KAT2B: variants seen among roughly 807,000 people sequenced by gnomAD.
The protein encoded by KAT2B is histone acetyltransferase KAT2B.
A neutral mutation model predicts 105.9 loss-of-function variants in KAT2B; 36 were observed. The observed-to-expected ratio is 0.34, with a 90% CI of 0.26 to 0.45. KAT2B has a LOEUF of 0.45. Among genes scored for constraint, KAT2B ranks in the 20% least tolerant of loss-of-function variants. KAT2B has a pLI of 1.00. For synonymous variants in KAT2B, 397 were observed against 377.9 expected, an observed-to-expected ratio of 1.05 and a Z score of -0.59; for missense variants, 820 against 1,021.6, an observed-to-expected ratio of 0.80 and a Z score of 2.69.
At chr3:20,141,279 CT>C (rs377152704) in intron 13 of KAT2B, among the ~76,000 whole-genome samples, 7 of 151,796 alleles carry the variant, frequency 4.6e-5, no homozygotes, top group Admixed American at 6.6e-5. Flanking sequence ...ATTGAGGTGA[CT>C]TTTTTTATGC....
intron 1 of KAT2B, among the ~76,000 whole-genome samples, chr3:20,050,255 A>G (rs1350688160): frequency 6.6e-6 from 1 of 152,108 alleles, no homozygotes; most frequent in African/African-American, 2.4e-5. Context: ...AAGACGGTTC[A>G]CACAACAGTA....
At chr3:20,067,534 C>T (rs915816330) in intron 1 of KAT2B, among the ~76,000 whole-genome samples, 1 of 152,140 alleles carries the variant, frequency 6.6e-6, no homozygotes, top group Non-Finnish European at 1.5e-5. Flanking sequence ...ATCTATATCT[C>T]TAAAACTCTG....
At chr3:20,041,363 A>AG (rs1425907148) in intron 1 of KAT2B, among the ~76,000 whole-genome samples, 1 of 152,056 alleles carries the variant, frequency 6.6e-6, no homozygotes. Context: ...CTGGGGGCGG[A>AG]GGCACTGCCG....
chr3:20,123,964 G>A (rs116591211), intron 9 of KAT2B, among the ~76,000 whole-genome samples: 1,800 of 152,250 alleles, frequency 0.012, 15 homozygotes, highest in South Asian at 0.026. Context: ...TCCAGGAAAT[G>A]AAGAAATGGC....
chr3:20,109,227 AC>A (rs1699076406), intron 5 of KAT2B, among the ~76,000 whole-genome samples: 1 of 152,086 alleles, frequency 6.6e-6, no homozygotes, highest in Non-Finnish European at 1.5e-5. Flanking sequence ...AAGATCTGTG[AC>A]TGTTTAACTC....
In KAT2B at chr3:20,045,533, G is replaced by A. The variant is rs1484678257; in HGVS notation, c.303+4753G>A. 3.3e-5 allele frequency among the ~76,000 whole-genome samples: 5 copies of A among 151,850 alleles called. No homozygotes were observed. The East Asian group carries it at 9.7e-4, about 29-fold the overall frequency. On this transcript the variant is annotated intron_variant, in intron 1 of 17. Coordinates refer to ENST00000263754, the MANE Select transcript of KAT2B (RefSeq NM_003884.5). Reference sequence around the variant, plus strand: ...GCCTGCTTGGGATTGGGTTTTTAATGTTATAAAAGAAACCCCAAGTGAATG... The same window carrying A: ...GCCTGCTTGGGATTGGGTTTTTAATATTATAAAAGAAACCCCAAGTGAATG...
rs1441912024 is a variant in KAT2B at position 20,153,401 on chromosome 3, G to A, written c.*876G>A. On this transcript the variant is annotated 3_prime_UTR_variant, in exon 18 of 18. Coordinates refer to ENST00000263754, the MANE Select transcript of KAT2B (RefSeq NM_003884.5). ...TGGTCTATATATGTATCAATCTGGTGAATCCTCGTTCTAATAAAGGTTCTT... is the reference window on the plus strand; with the variant it reads ...TGGTCTATATATGTATCAATCTGGTAAATCCTCGTTCTAATAAAGGTTCTT... The A allele has an allele frequency of 1.3e-5, 2 of 152,292 alleles. No homozygotes were observed. Among genetic ancestry groups the A allele is most frequent in the East Asian group, 3.8e-4 (2 of 5,202 alleles). 9.4% of individuals were successfully genotyped at this position (152,292 alleles called of 1,614,324 possible). A position where few individuals can be genotyped will look rare whatever the true frequency, so the allele number is the denominator to read the frequency against.
At chr3:20,041,557 C>T (rs1697719875) in intron 1 of KAT2B, among the ~76,000 whole-genome samples, 1 of 152,236 alleles carries the variant, frequency 6.6e-6, no homozygotes, top group African/African-American at 2.4e-5. Flanking sequence ...ACCCTGTCAC[C>T]TCCAGCTGCA....
intron 1 of KAT2B, among the ~76,000 whole-genome samples, chr3:20,043,185 T>C (rs1328824690): frequency 6.6e-6 from 1 of 152,180 alleles, no homozygotes; most frequent in African/African-American, 2.4e-5. Context: ...ATTATAGGCA[T>C]GGGCCACCAT....
At chr3:20,129,539 C>T (rs2125182235) in intron 11 of KAT2B, among the ~76,000 whole-genome samples, 1 of 152,124 alleles carries the variant, frequency 6.6e-6, no homozygotes, top group South Asian at 2.1e-4. Flanking sequence ...CCATGCCCGG[C>T]CAATTTTTGT....
At chr3:20,040,828 C>T (rs765627638) in intron 1 of KAT2B, 48 bp downstream of exon 1, 26 of 1,521,134 alleles carry the variant, frequency 1.7e-5, no homozygotes, top group East Asian at 2.6e-5. Flanking sequence ...AGGGGCCCAG[C>T]CCGCGGGACC....
At chr3:20,049,975 G>T (rs537056403) in intron 1 of KAT2B, among the ~76,000 whole-genome samples, 9 of 152,138 alleles carry the variant, frequency 5.9e-5, no homozygotes, top group African/African-American at 1.9e-4. Context: ...TGAGGCAGGC[G>T]GATCGCTTGA....
chr3:20,128,862 C>T (rs989985687), intron 11 of KAT2B, among the ~76,000 whole-genome samples: 16 of 151,826 alleles, frequency 1.1e-4, no homozygotes, highest in Admixed American at 3.9e-4. Flanking sequence ...ACAAAATTAG[C>T]TTGGTGTGGT....
intron 2 of KAT2B, among the ~76,000 whole-genome samples, chr3:20,075,433 A>G (rs972156468): frequency 4.6e-5 from 7 of 151,810 alleles, no homozygotes; most frequent in Non-Finnish European, 8.8e-5. Context: ...CGGTTCTGAC[A>G]TGACCTACTT....
intron 14 of KAT2B, among the ~76,000 whole-genome samples, chr3:20,147,690 A>G (rs1699802233): frequency 6.6e-6 from 1 of 152,206 alleles, no homozygotes; most frequent in Non-Finnish European, 1.5e-5. Context: ...ACAGGCCCAC[A>G]GTACTGTACA....
At position 20,040,737 on chromosome 3, in the gene KAT2B, G is replaced by A; in HGVS notation, c.260G>A (p.Arg87Gln). ...VKKAQLRSAP[R>Q]AKKLEKLGVY... ...AAAGCGCAACTACGCTCCGCTCCGC[G>A]GGCCAAGAAACTGGAGAAACTCGGA... Residue 87 changes from arginine to glutamine, a missense_variant, in exon 1 of 18, where the codon CGG becomes CAG. Physicochemically the swap from Arg to Gln is conservative, Grantham distance 43. This residue lies in a region of KAT2B where 190 missense variants were observed against 176.7 expected (regional missense o/e 1.08). Coordinates refer to ENST00000263754, the MANE Select transcript of KAT2B (RefSeq NM_003884.5). 6.3e-7 allele frequency: 1 copy of A among 1,595,226 alleles called. No individual in the cohort carries two copies. Among genetic ancestry groups the A allele is most frequent in the South Asian group, 1.1e-5 (1 of 90,702 alleles).
intron 1 of KAT2B, among the ~76,000 whole-genome samples, chr3:20,049,365 T>C (rs1297992160): frequency 6.6e-6 from 1 of 152,260 alleles, no homozygotes; most frequent in East Asian, 1.9e-4. Context: ...CAAAGTGTTA[T>C]GTCTCACGAC....
intron 1 of KAT2B, among the ~76,000 whole-genome samples, chr3:20,068,409 T>G (rs2929394): frequency 0.45 from 66,827 of 148,244 alleles, 15,590 homozygotes; most frequent in Admixed American, 0.56. Context: ...TGTGTTTCCC[T>G]TATACTAGAT....
At chr3:20,062,554 T>C (rs1295579130) in intron 1 of KAT2B, among the ~76,000 whole-genome samples, 3 of 149,436 alleles carry the variant, frequency 2.0e-5, no homozygotes, top group African/African-American at 4.9e-5. Context: ...GTCTGCCTCC[T>C]GGGTTCAAGC....
Sources: allele counts gnomAD v4.1 joint callset (sites outside exome capture counted in the v4.1 genomes callset), GRCh38; gene constraint gnomAD v4.1.1; regional missense constraint gnomAD v4.1.1; transcripts MANE v1.5; gene names NCBI Gene and HGNC (gene_info 2026-07-23, HGNC 2026-07-21).